ZNF385D: variants seen among roughly 807,000 people sequenced by gnomAD.
The protein encoded by ZNF385D is zinc finger protein 659.
ZNF385D carries 15 observed loss-of-function variants against 35.8 expected under a neutral mutation model. That is an observed-to-expected ratio of 0.42 (90% CI 0.28 to 0.64). ZNF385D has a LOEUF of 0.64. ZNF385D is among the 30% of genes least tolerant of loss of function. ZNF385D has a pLI of 0.23. For synonymous variants in ZNF385D, 212 were observed against 186.8 expected (o/e 1.13, Z -1.10); for missense variants, 474 against 494.6 (o/e 0.96, Z 0.39).
Position 22,354,912 on chromosome 3 carries a change from A to G in ZNF385D, c.106+17538T>C, listed in dbSNP as rs190175054. Among the ~76,000 whole-genome samples, 54 of 152,160 alleles carry G rather than the reference A, an allele frequency of 3.5e-4. No individual in the cohort carries two copies. In the East Asian group the frequency reaches 0.01, roughly 28 times the overall value. On this transcript the variant is annotated intron_variant, in intron 2 of 5. Coordinates refer to the ZNF385D transcript ENST00000494108. ...TTCAAATGCTCAATAGCCACGTGTC[A>G]CTCATGGCTACCATACAGGAAAACA... is the stretch of plus-strand genomic sequence containing the variant.
intron 2 of ZNF385D, among the ~76,000 whole-genome samples, chr3:22,276,312 C>T (rs73037296): frequency 0.018 from 2,767 of 152,168 alleles, 39 homozygotes; most frequent in Non-Finnish European, 0.029. Context: ...CCTTTAATTT[C>T]CACTGTACAT....
intron 2 of ZNF385D, among the ~76,000 whole-genome samples, chr3:22,345,621 A>G (rs1257530744): frequency 6.6e-6 from 1 of 152,234 alleles, no homozygotes. Flanking sequence ...ACTTATGTAC[A>G]GAGAAAATAA....
chr3:21,434,865 C>T (rs1017829592), intron 5 of ZNF385D, among the ~76,000 whole-genome samples: 1 of 151,988 alleles, frequency 6.6e-6, no homozygotes. Flanking sequence ...AGGCAAGTGG[C>T]CTTCTTTCCA....
chr3:21,920,170 A>G (rs921050518), intron 3 of ZNF385D, among the ~76,000 whole-genome samples: 5 of 152,180 alleles, frequency 3.3e-5, no homozygotes, highest in Admixed American at 2.0e-4. Flanking sequence ...TAAACTATGT[A>G]CCATCTGGCC....
At chr3:21,446,325 T>C (rs528944059) in intron 4 of ZNF385D, among the ~76,000 whole-genome samples, 15 of 152,092 alleles carry the variant, frequency 9.9e-5, no homozygotes, top group Non-Finnish European at 1.8e-4. Context: ...CCAGTGTCCT[T>C]GTTTTCCTGA....
intron 2 of ZNF385D, among the ~76,000 whole-genome samples, chr3:22,211,240 TAATA>T (rs1044708668): frequency 3.3e-4 from 50 of 152,070 alleles, no homozygotes; most frequent in African/African-American, 1.0e-3. Flanking sequence ...ACCAGATACT[TAATA>T]AAGCAGTTGA....
At chr3:22,230,331 G>A (rs1698811853) in intron 2 of ZNF385D, among the ~76,000 whole-genome samples, 1 of 152,132 alleles carries the variant, frequency 6.6e-6, no homozygotes, top group African/African-American at 2.4e-5. Flanking sequence ...TTATGTACAG[G>A]TTTTTATGGC....
intron 2 of ZNF385D, among the ~76,000 whole-genome samples, chr3:21,649,032 C>T (rs1025756418): frequency 2.0e-5 from 3 of 152,032 alleles, no homozygotes; most frequent in Admixed American, 1.3e-4. Context: ...CTCTGTGATT[C>T]CAAAACCCAT....
At chr3:21,451,593 A>G (rs1702465143) in intron 4 of ZNF385D, among the ~76,000 whole-genome samples, 2 of 152,092 alleles carry the variant, frequency 1.3e-5, no homozygotes, top group Non-Finnish European at 2.9e-5. Context: ...ATCAGCTATC[A>G]GGTACAACAA....
chr3:21,776,136 AGT>A (rs1366198545), intron 3 of ZNF385D, among the ~76,000 whole-genome samples: 2 of 151,852 alleles, frequency 1.3e-5, no homozygotes, highest in Non-Finnish European at 2.9e-5. Flanking sequence ...CTATATTATG[AGT>A]GTGTCATATT....
chr3:22,364,648 G>C (rs1488208137), intron 2 of ZNF385D, among the ~76,000 whole-genome samples: 1 of 152,122 alleles, frequency 6.6e-6, no homozygotes, highest in Non-Finnish European at 1.5e-5. Context: ...GCTTTTGGTG[G>C]AAATATAAAA....
chr3:21,713,104 A>C (rs1419093660), intron 1 of ZNF385D, among the ~76,000 whole-genome samples: 1 of 152,220 alleles, frequency 6.6e-6, no homozygotes, highest in Non-Finnish European at 1.5e-5. Context: ...TACCCTATGC[A>C]CTTAAATTAA....
chr3:22,277,765 G>A (rs373154844), intron 2 of ZNF385D, among the ~76,000 whole-genome samples: 9 of 152,128 alleles, frequency 5.9e-5, no homozygotes, highest in East Asian at 5.8e-4. Flanking sequence ...CATAGCTCAG[G>A]TTACGGCTCT....
At chr3:21,503,985 AACTGGATAC>A (rs1370491132) in intron 4 of ZNF385D, among the ~76,000 whole-genome samples, 2 of 152,160 alleles carry the variant, frequency 1.3e-5, no homozygotes, top group Admixed American at 1.3e-4. Context: ...GAAAAAGGGA[AACTGGATAC>A]AAAGAAGACT....
chr3:22,225,588 T>C (rs567178004), intron 2 of ZNF385D, among the ~76,000 whole-genome samples: 13 of 152,288 alleles, frequency 8.5e-5, no homozygotes, highest in Non-Finnish European at 8.8e-5. Context: ...GTTTCTTCAG[T>C]GGCATCAAGC....
At chr3:21,887,239 G>A (rs1698597838) in intron 3 of ZNF385D, among the ~76,000 whole-genome samples, 2 of 152,114 alleles carry the variant, frequency 1.3e-5, no homozygotes, top group Non-Finnish European at 2.9e-5. Context: ...TGGGCTTGTG[G>A]ATTTAGTCTT....
chr3:21,953,496 G>C (rs1359736593), intron 3 of ZNF385D, among the ~76,000 whole-genome samples: 4 of 151,938 alleles, frequency 2.6e-5, no homozygotes, highest in Non-Finnish European at 4.4e-5. Flanking sequence ...TTACATCCAA[G>C]TAATACTTCT....
chr3:22,145,093 T>C (rs1345770066), intron 3 of ZNF385D, among the ~76,000 whole-genome samples: 3 of 152,052 alleles, frequency 2.0e-5, no homozygotes, highest in Admixed American at 1.3e-4. Context: ...ACTCAAAATG[T>C]CCTATGTACA....
chr3:21,456,050 C>T (rs1320956350), intron 4 of ZNF385D, among the ~76,000 whole-genome samples: 3 of 152,156 alleles, frequency 2.0e-5, no homozygotes, highest in Non-Finnish European at 1.5e-5. Context: ...CATCTCACAC[C>T]AGTTAGAATG....
Sources: gnomAD v4.1 joint callset for allele counts (sites outside exome capture counted in the v4.1 genomes callset) on GRCh38, gnomAD v4.1.1 for gene constraint, MANE v1.5 for transcripts, NCBI Gene and HGNC (gene_info 2026-07-23, HGNC 2026-07-21) for gene names.